The following RALGPS1 variants were observed in gnomAD, a reference collection of about 807,000 sequenced individuals.
RALGPS1 encodes the protein Ral GEF with PH domain and SH3 binding motif 1.
In RALGPS1, 19 loss-of-function variants were observed where a neutral mutation model predicts 78.8. The observed-to-expected ratio is 0.24, with a 90% CI of 0.17 to 0.35. RALGPS1 has a LOEUF of 0.35. Ranked by LOEUF, RALGPS1 falls within the 10% of genes least tolerant of loss-of-function variation. The pLI is 1.00. For synonymous variants in RALGPS1, 228 were observed against 256.3 expected (o/e 0.89, Z 1.06); for missense variants, 454 against 688.3 (o/e 0.66, Z 3.81).
At chr9:127,087,337 A>G (rs1453667236) in intron 8 of RALGPS1, 1 of 152,610 alleles carries the variant, frequency 6.6e-6, no homozygotes, top group Non-Finnish European at 1.5e-5. Flanking sequence ...CAGAGTGTAG[A>G]TACATCCAAA....
Position 127,037,290 on chromosome 9 carries a change from T to C in RALGPS1, c.300+2776T>C, listed in dbSNP as rs137862028. ...TTGTATCACAAAGATGCTGAAAATT[T>C]TGGAAAAGGTGAAGAGGGAATTGGG... is the stretch of plus-strand genomic sequence containing the variant. On this transcript the variant is annotated intron_variant, in intron 5 of 18. Coordinates refer to ENST00000259351, the MANE Select transcript of RALGPS1 (RefSeq NM_014636.3). 4.6e-5 allele frequency among the ~76,000 whole-genome samples: 7 copies of C among 152,324 alleles called. No homozygotes were observed. The East Asian group carries it at 1.3e-3, about 29-fold the overall frequency.
chr9:126,952,405 C>T (rs996871883), intron 1 of RALGPS1, among the ~76,000 whole-genome samples: 5 of 152,072 alleles, frequency 3.3e-5, no homozygotes, highest in Non-Finnish European at 7.4e-5. Context: ...CATGTGCTTA[C>T]GTGGCCAGGC....
intron 8 of RALGPS1, among the ~76,000 whole-genome samples, chr9:127,136,289 C>T (rs186558125): frequency 1.8e-3 from 275 of 152,316 alleles, no homozygotes; most frequent in Admixed American, 3.3e-3. Flanking sequence ...TGCATTAGAC[C>T]TGCCGGCACT....
chr9:127,204,069 G>A (rs2061797086), intron 14 of RALGPS1, among the ~76,000 whole-genome samples: 1 of 152,224 alleles, frequency 6.6e-6, no homozygotes, highest in Admixed American at 6.5e-5. Flanking sequence ...GCAGCTCTCA[G>A]TACCTCTGAG....
intron 4 of RALGPS1, chr9:126,989,901 G>T (rs2133165528): frequency 2.6e-6 from 4 of 1,550,404 alleles, no homozygotes; most frequent in Non-Finnish European, 2.6e-6. Context: ...AGAAAGGCTG[G>T]CCTGCCAGAA....
chr9:127,033,296 G>T (rs2046579195), intron 4 of RALGPS1, among the ~76,000 whole-genome samples: 1 of 152,070 alleles, frequency 6.6e-6, no homozygotes, highest in Non-Finnish European at 1.5e-5. Context: ...GTTGCCTTTA[G>T]CCAGGCTCCC....
chr9:127,097,793 G>A (rs762473793), intron 8 of RALGPS1, among the ~76,000 whole-genome samples: 11 of 152,232 alleles, frequency 7.2e-5, no homozygotes, highest in African/African-American at 1.9e-4. Context: ...CTGAGGAAGC[G>A]AGGGCTGGAG....
intron 4 of RALGPS1, among the ~76,000 whole-genome samples, chr9:126,985,338 A>AGCTGC (rs1464368756): frequency 1.3e-5 from 2 of 152,364 alleles, no homozygotes; most frequent in Admixed American, 1.3e-4. Context: ...AGCTGAGCTG[A>AGCTGC]GCTGCATCAT....
chr9:127,166,641 G>A (rs2059306588), intron 9 of RALGPS1, among the ~76,000 whole-genome samples: 1 of 152,198 alleles, frequency 6.6e-6, no homozygotes, highest in Admixed American at 6.5e-5. Context: ...GCAGGTGCAG[G>A]ATGAGAGAGA....
chr9:127,142,819 G>GTGTA (rs962713240), intron 8 of RALGPS1, among the ~76,000 whole-genome samples: 7 of 152,052 alleles, frequency 4.6e-5, no homozygotes, highest in Non-Finnish European at 8.8e-5. Flanking sequence ...ACATTTGTGT[G>GTGTA]TGTATGTATG....
intron 8 of RALGPS1, among the ~76,000 whole-genome samples, chr9:127,126,310 T>A (rs971744255): frequency 2.6e-5 from 4 of 152,220 alleles, no homozygotes; most frequent in Non-Finnish European, 4.4e-5. Flanking sequence ...TTTCTCTTTA[T>A]CTTTGATTTT....
intron 14 of RALGPS1, among the ~76,000 whole-genome samples, chr9:127,201,249 C>T (rs972496656): frequency 6.6e-6 from 1 of 152,230 alleles, no homozygotes; most frequent in African/African-American, 2.4e-5. Flanking sequence ...CGCAGATGCC[C>T]GGCTCTGCCT....
At chr9:127,084,453 C>T (rs2051492280) in intron 8 of RALGPS1, among the ~76,000 whole-genome samples, 1 of 152,186 alleles carries the variant, frequency 6.6e-6, no homozygotes, top group South Asian at 2.1e-4. Flanking sequence ...CCAGGCAGCC[C>T]TCTGGTCCTA....
In RALGPS1 at chr9:127,069,261, A is replaced by G; in HGVS notation, c.515A>G (p.Glu172Gly). The G allele has an allele frequency of 6.2e-7, 1 of 1,611,622 alleles. No individual in the cohort carries two copies. Residue 172 changes from glutamate (E) to glycine (G), a missense_variant, in exon 8 of 19, where the codon GAG becomes GGG. Transcript: ENST00000259351. ...LLNRKDKTTF[E>G]KLDYLMSKED... The stretch of plus-strand genomic sequence containing the variant: ...AATCGAAAAGACAAGACTACCTTTG[A>G]GAAATTGGACTACCTGATGTCGAAA...
At chr9:126,946,549 A>AC (rs2037289614) in intron 1 of RALGPS1, among the ~76,000 whole-genome samples, 1 of 150,314 alleles carries the variant, frequency 6.7e-6, no homozygotes, top group African/African-American at 2.5e-5. Context: ...AAAAAAAAAA[A>AC]AAAAAAAGAT....
Position 127,218,970 on chromosome 9 carries a change from A to C in RALGPS1, c.*201A>C. ...CACCTGTCAGTCCCCAGCGACTCTC[A>C]TGACACTCATTCTGCAGCACCGCCT... On this transcript the variant is annotated 3_prime_UTR_variant, in exon 19 of 19. Coordinates refer to ENST00000259351, the MANE Select transcript of RALGPS1 (RefSeq NM_014636.3). The surrounding 1 kb of genome is among the most constrained non-coding windows in gnomAD (Gnocchi z 4.4). 3.2e-6 allele frequency: 2 copies of C among 627,328 alleles called. No homozygotes were observed. Among genetic ancestry groups the C allele is most frequent in the Non-Finnish European group, 2.8e-6 (1 of 352,320 alleles). 38.9% of individuals were successfully genotyped at this position (627,328 alleles called of 1,614,324 possible). A position where few individuals can be genotyped will look rare whatever the true frequency, so the allele number is the denominator to read the frequency against.
At chr9:127,069,787 A>G (rs2787590) in intron 8 of RALGPS1, 3,601 of 153,182 alleles carry the variant, frequency 0.024, 49 homozygotes, top group Middle Eastern at 0.054. Flanking sequence ...AAAATAATGC[A>G]TGTTAATTGT....
chr9:127,018,793 G>A (rs778149404), intron 4 of RALGPS1, among the ~76,000 whole-genome samples: 10 of 152,024 alleles, frequency 6.6e-5, no homozygotes, highest in Non-Finnish European at 1.2e-4. Flanking sequence ...AGCACAGTAG[G>A]TTTGTTTACA....
rs201345274 is a variant in RALGPS1 at position 126,918,652 on chromosome 9, T to TA, written c.-66+3687dup. On this transcript the variant is annotated intron_variant, in intron 1 of 18. Coordinates refer to ENST00000259351, the MANE Select transcript of RALGPS1 (RefSeq NM_014636.3). ...GTTTTTATTTTATATTTTGAGGAAG[T>TA]AAAAAAAAAATCACACATGGATTTT... 3.0e-3 allele frequency among the ~76,000 whole-genome samples: 428 copies of TA among 143,870 alleles called. 2 individuals are homozygous for TA. Among genetic ancestry groups the TA allele is most frequent in the African/African-American group, 9.9e-3 (392 of 39,486 alleles). The allele number at this position is 143,870 out of a possible 152,430, so 94.4% of individuals were successfully genotyped here. A position where few individuals can be genotyped will look rare whatever the true frequency, so the allele number is the denominator to read the frequency against.
Sources: gnomAD v4.1 joint callset for allele counts (sites outside exome capture counted in the v4.1 genomes callset) on GRCh38, gnomAD v4.1.1 for gene constraint, Gnocchi (gnomAD v3.1) non-coding constraint, MANE v1.5 for transcripts, NCBI Gene and HGNC (gene_info 2026-07-23, HGNC 2026-07-21) for gene names.